Variants in IFT56 observed in about 807,000 individuals in gnomAD.
The protein encoded by IFT56 is intraflagellar transport protein 56.
At chr7:139,175,219 C>T in the IFT56 span, among the ~76,000 whole-genome samples, 5 of 151,986 alleles carry the variant, frequency 3.3e-5, no homozygotes, top group East Asian at 1.9e-4. Context: ...AAGGGACCTT[C>T]GTACACTGTA....
the IFT56 span, chr7:139,168,500 G>A: frequency 5.0e-6 from 4 of 795,788 alleles, no homozygotes; most frequent in African/African-American, 6.9e-5. Context: ...CTCTCCTGTA[G>A]CTCCTTTTAT....
the IFT56 span, among the ~76,000 whole-genome samples, chr7:139,184,119 A>G: frequency 6.6e-6 from 1 of 152,198 alleles, no homozygotes; most frequent in Admixed American, 6.5e-5. Flanking sequence ...GCCCCTGCCC[A>G]TGCACAGGAA....
chr7:139,163,076 G>A, the IFT56 span, among the ~76,000 whole-genome samples: 1 of 152,004 alleles, frequency 6.6e-6, no homozygotes, highest in African/African-American at 2.4e-5. Flanking sequence ...CGGGTGCGGT[G>A]ACTCATGCCT....
the IFT56 span, chr7:139,172,415 G>C: frequency 1.1e-5 from 4 of 360,126 alleles, no homozygotes; most frequent in South Asian, 6.9e-5. Context: ...CATTGTATTT[G>C]TGCTCTGGGT....
chr7:139,173,225 CT>C, the IFT56 span: 31,788 of 294,040 alleles, frequency 0.11, no homozygotes, highest in Middle Eastern at 0.16. Context: ...ACAAAGTCAC[CT>C]TTTTTTTTTT....
chr7:139,176,348 C>A, the IFT56 span, among the ~76,000 whole-genome samples: 1 of 151,590 alleles, frequency 6.6e-6, no homozygotes. Flanking sequence ...GGACTACATA[C>A]CCACAAAAAT....
the IFT56 span, among the ~76,000 whole-genome samples, chr7:139,184,951 G>C: frequency 6.6e-6 from 1 of 151,786 alleles, no homozygotes; most frequent in Non-Finnish European, 1.5e-5. Flanking sequence ...CTACTCAGGA[G>C]GCTGAGGCAG....
the IFT56 span, among the ~76,000 whole-genome samples, chr7:139,149,754 T>C: frequency 6.6e-6 from 1 of 152,302 alleles, no homozygotes; most frequent in Admixed American, 6.5e-5. Context: ...TTAGAGGCTA[T>C]TGTAGTTCTC....
chr7:139,138,484 C>T, the IFT56 span, among the ~76,000 whole-genome samples: 55 of 152,078 alleles, frequency 3.6e-4, no homozygotes, highest in Non-Finnish European at 6.8e-4. Flanking sequence ...TAAACATATC[C>T]CCTGTGGATA....
chr7:139,155,442 G>GT, the IFT56 span, among the ~76,000 whole-genome samples: 1 of 152,062 alleles, frequency 6.6e-6, no homozygotes, highest in Non-Finnish European at 1.5e-5. Context: ...TTTGTTGTGG[G>GT]TTTTTTGTAA....
At chr7:139,136,255 T>G in the IFT56 span, among the ~76,000 whole-genome samples, 1 of 152,054 alleles carries the variant, frequency 6.6e-6, no homozygotes, top group Non-Finnish European at 1.5e-5. Context: ...TACTCTGGTG[T>G]TGAGCGTGTT....
chr7:139,187,100 CAAAA>C, the IFT56 span, among the ~76,000 whole-genome samples: 1 of 51,622 alleles, frequency 1.9e-5, no homozygotes. Context: ...GACTCCGTCT[CAAAA>C]AAAAAAAAAA....
the IFT56 span, among the ~76,000 whole-genome samples, chr7:139,166,580 C>CA: frequency 2.5e-4 from 38 of 152,060 alleles, no homozygotes; most frequent in African/African-American, 9.2e-4. Context: ...AATACAATGC[C>CA]ATTGGCATAG....
At chr7:139,144,561 C>A in the IFT56 span, among the ~76,000 whole-genome samples, 1 of 151,848 alleles carries the variant, frequency 6.6e-6, no homozygotes, top group Non-Finnish European at 1.5e-5. Flanking sequence ...TTTGCTTCTG[C>A]TCTATACTCT....
At chr7:139,145,657 C>T in the IFT56 span, among the ~76,000 whole-genome samples, 1 of 152,038 alleles carries the variant, frequency 6.6e-6, no homozygotes, top group South Asian at 2.1e-4. Flanking sequence ...CTCAAGTGAT[C>T]TGCTCACCTC....
chr7:139,156,755 C>T, the IFT56 span, among the ~76,000 whole-genome samples: 1 of 152,154 alleles, frequency 6.6e-6, no homozygotes, highest in Non-Finnish European at 1.5e-5. Context: ...ACTATTCCGC[C>T]ACCTTTGGAA....
the IFT56 span, chr7:139,139,957 A>T: frequency 6.2e-7 from 1 of 1,612,728 alleles, no homozygotes; most frequent in Non-Finnish European, 8.5e-7. Flanking sequence ...GCTTGCACCT[A>T]CTTCTTTCTT....
At chr7:139,170,006 C>T in the IFT56 span, among the ~76,000 whole-genome samples, 3 of 152,154 alleles carry the variant, frequency 2.0e-5, no homozygotes, top group Non-Finnish European at 2.9e-5. Context: ...AGAGTGAGAC[C>T]GTCATCTCAA....
the IFT56 span, chr7:139,147,023 G>T: frequency 6.5e-7 from 1 of 1,541,666 alleles, no homozygotes; most frequent in African/African-American, 1.4e-5. Flanking sequence ...AGGGAAATAG[G>T]AAGAAGAGAG....
Sources: allele counts gnomAD v4.1 joint callset (sites outside exome capture counted in the v4.1 genomes callset), GRCh38; gene constraint gnomAD v4.1.1; transcripts MANE v1.5; gene names NCBI Gene and HGNC (gene_info 2026-07-23, HGNC 2026-07-21).